MLLT3: variants seen among roughly 807,000 people sequenced by gnomAD.
MLLT3 encodes protein AF-9.
Under a neutral mutation model 53.2 loss-of-function variants are expected in MLLT3, and 4 were observed. The ratio of observed to expected loss-of-function variants is 0.08; its 90% CI spans 0.04 to 0.17. The LOEUF is 0.17. MLLT3 is among the 10% of genes least tolerant of loss of function. MLLT3 has a pLI of 1.00. For missense variants in MLLT3, 569 were observed against 684.0 expected, an observed-to-expected ratio of 0.83 and a Z score of 1.87; for synonymous variants, 283 against 230.6, an observed-to-expected ratio of 1.23 and a Z score of -2.06.
At chr9:20,395,155 G>A (rs990376553) in intron 5 of MLLT3, among the ~76,000 whole-genome samples, 1 of 152,174 alleles carries the variant, frequency 6.6e-6, no homozygotes, top group African/African-American at 2.4e-5. Flanking sequence ...ACTTTGGAGG[G>A]AAGGTGGTTA....
chr9:20,539,217 CA>C (rs1289282748), intron 2 of MLLT3, among the ~76,000 whole-genome samples: 2 of 152,218 alleles, frequency 1.3e-5, no homozygotes, highest in African/African-American at 2.4e-5. Flanking sequence ...ATTTTACCCA[CA>C]GTTGAACTTC....
intron 9 of MLLT3, among the ~76,000 whole-genome samples, chr9:20,354,017 T>C (rs1387935056): frequency 2.0e-5 from 3 of 152,194 alleles, no homozygotes; most frequent in African/African-American, 4.8e-5. Context: ...AGTTTGAACA[T>C]GGAAACAAGA....
chr9:20,346,849 T>G (rs1196390952), intron 10 of MLLT3, among the ~76,000 whole-genome samples: 1 of 152,106 alleles, frequency 6.6e-6, no homozygotes, highest in East Asian at 1.9e-4. Context: ...AATATTTAAC[T>G]GTGAGTGAGC....
intron 4 of MLLT3, among the ~76,000 whole-genome samples, chr9:20,445,432 T>C (rs1823669526): frequency 6.6e-6 from 1 of 152,158 alleles, no homozygotes; most frequent in East Asian, 1.9e-4. Context: ...AAAAACAGAA[T>C]GTTATTGACC....
chr9:20,365,815 ATTGTTGCTCAAACCATCC>A, intron 5 of MLLT3, 71 bp from the exon 6 acceptor site: 1 of 1,508,980 alleles, frequency 6.6e-7, no homozygotes, highest in Admixed American at 1.8e-5. Context: ...TGAAAACAGT[ATTGTTGCTCAAACCATCC>A]TCTGCAAAAA....
chr9:20,616,222 A>G (rs1292304050), intron 2 of MLLT3, among the ~76,000 whole-genome samples: 1 of 152,158 alleles, frequency 6.6e-6, no homozygotes, highest in African/African-American at 2.4e-5. Flanking sequence ...AAAGAGACAC[A>G]GAAGTAACTT....
intron 2 of MLLT3, among the ~76,000 whole-genome samples, chr9:20,467,291 AAGTTCAGGCCAGGCTC>A (rs1824260675): frequency 6.6e-6 from 1 of 152,140 alleles, no homozygotes; most frequent in Non-Finnish European, 1.5e-5. Flanking sequence ...AAGATTTTAA[AAGTTCAGGCCAGGCTC>A]AGTGACTCAT....
intron 3 of MLLT3, among the ~76,000 whole-genome samples, chr9:20,455,188 G>C (rs989626436): frequency 1.3e-5 from 2 of 152,190 alleles, no homozygotes; most frequent in Non-Finnish European, 1.5e-5. Flanking sequence ...TGACAAATAT[G>C]TCAACGATTC....
At position 20,354,844 on chromosome 9, in the gene MLLT3, T is replaced by C. The variant is rs1027511487; in HGVS notation, c.1467A>G (p.Lys489=). The C allele has an allele frequency of 5.0e-6, 8 of 1,613,030 alleles. 1 individual carries two copies. The highest frequency in any genetic ancestry group is 6.8e-6 in the Non-Finnish European group (8 of 1,179,184). The change falls in exon 9 of 11, where the codon AAA becomes AAG. Residue 489 remains lysine, a synonymous_variant. Coordinates refer to ENST00000380338, the MANE Select transcript of MLLT3 (RefSeq NM_004529.4). The part of the protein sequence containing the change: ...LEVKSPIKQS[K]SDKQIKNGEC... ...CACCATTCTTTATTTGCTTATCTGA[T>C]TTGCTTTGCTTTATTGGACTTTTCA...
chr9:20,401,617 C>G (rs1310981140), intron 5 of MLLT3, among the ~76,000 whole-genome samples: 1 of 152,122 alleles, frequency 6.6e-6, no homozygotes, highest in Non-Finnish European at 1.5e-5. Context: ...AGTTCCAGTT[C>G]CAGGCAAGAA....
chr9:20,455,282 T>C (rs1823937053), intron 3 of MLLT3, among the ~76,000 whole-genome samples: 1 of 152,214 alleles, frequency 6.6e-6, no homozygotes, highest in Non-Finnish European at 1.5e-5. Flanking sequence ...GCATAGCCAA[T>C]GGAGAGAAAG....
chr9:20,412,210 A>C (rs1012087047), intron 5 of MLLT3, among the ~76,000 whole-genome samples: 21 of 152,296 alleles, frequency 1.4e-4, no homozygotes, highest in Non-Finnish European at 2.8e-4. Context: ...AACAAAAGTC[A>C]AACACACACA....
chr9:20,391,222 C>A (rs560329137), intron 5 of MLLT3, among the ~76,000 whole-genome samples: 1 of 152,268 alleles, frequency 6.6e-6, no homozygotes, highest in African/African-American at 2.4e-5. Flanking sequence ...ATCAATCAAT[C>A]ATTTTGTAGG....
At chr9:20,539,434 C>T (rs1321812887) in intron 2 of MLLT3, among the ~76,000 whole-genome samples, 1 of 152,172 alleles carries the variant, frequency 6.6e-6, no homozygotes, top group Non-Finnish European at 1.5e-5. Context: ...ACTCACAGTT[C>T]CATATGGCAG....
chr9:20,369,014 A>G (rs1204716119), intron 5 of MLLT3, among the ~76,000 whole-genome samples: 2 of 152,200 alleles, frequency 1.3e-5, no homozygotes, highest in Non-Finnish European at 2.9e-5. Context: ...AGGACTTGTT[A>G]AAACACAGCC....
At chr9:20,443,923 C>A (rs1260451643) in intron 4 of MLLT3, among the ~76,000 whole-genome samples, 2 of 152,132 alleles carry the variant, frequency 1.3e-5, no homozygotes, top group Admixed American at 1.3e-4. Context: ...TTTATCTAAA[C>A]CAGCTTGAAT....
chr9:20,598,803 G>A (rs1820340534), intron 2 of MLLT3, among the ~76,000 whole-genome samples: 1 of 152,204 alleles, frequency 6.6e-6, no homozygotes, highest in South Asian at 2.1e-4. Flanking sequence ...AAACCTGGTG[G>A]CAATGCTAAT....
intron 4 of MLLT3, among the ~76,000 whole-genome samples, chr9:20,433,337 G>A (rs539264625): frequency 2.0e-5 from 3 of 152,266 alleles, no homozygotes; most frequent in Middle Eastern, 6.8e-3. Context: ...AATAATGATA[G>A]TAATAGGTTA....
In MLLT3 at chr9:20,414,038, G is replaced by T; in HGVS notation, c.808C>A (p.Leu270Ile). The T allele has an allele frequency of 6.2e-7, 1 of 1,614,162 alleles. No homozygotes were observed. The highest frequency in any genetic ancestry group is 1.3e-5 in the African/African-American group (1 of 75,044). Residue 270 changes from leucine (L) to isoleucine (I), a missense_variant, in exon 5 of 11, where the codon CTC becomes ATC. Physicochemically the swap from Leu to Ile is conservative, Grantham distance 5. Coordinates refer to ENST00000380338, the MANE Select transcript of MLLT3 (RefSeq NM_004529.4). ...TTATCTTGTCCACTGGTGATGGTGA[G>T]TAAGTTACTATCTGGTTTTGGCTCT... is the stretch of plus-strand genomic sequence containing the variant. ...SKEPKPDSNL[L>I]TITSGQDKKA...
Sources: gnomAD v4.1 joint callset for allele counts (sites outside exome capture counted in the v4.1 genomes callset) on GRCh38, gnomAD v4.1.1 for gene constraint, MANE v1.5 for transcripts, NCBI Gene and HGNC (gene_info 2026-07-23, HGNC 2026-07-21) for gene names.